SYT16: variants seen among roughly 807,000 people sequenced by gnomAD.
SYT16 encodes synaptotagmin-16.
In SYT16, 42 loss-of-function variants were observed where a neutral mutation model predicts 61.4. That is an observed-to-expected ratio of 0.68 (90% confidence interval 0.53 to 0.89). SYT16 has a LOEUF of 0.89. SYT16 is among the 40% of genes least tolerant of loss of function. The pLI is 0.00. For missense variants in SYT16, 804 were observed against 807.3 expected, an observed-to-expected ratio of 1.00 and a Z score of 0.05; for synonymous variants, 314 against 302.3, an observed-to-expected ratio of 1.04 and a Z score of -0.40.
chr14:62,057,346 C>T (rs1484788363), intron 3 of SYT16, among the ~76,000 whole-genome samples: 1 of 152,142 alleles, frequency 6.6e-6, no homozygotes, highest in Non-Finnish European at 1.5e-5. Context: ...CAGAAGGGCC[C>T]AGGTTGTAGT....
Position 62,080,916 on chromosome 14 carries a change from A to C in SYT16, c.1076A>C (p.Glu359Ala). 6.2e-7 allele frequency: 1 copy of C among 1,607,086 alleles called. No individual in the cohort carries two copies. The highest frequency in any genetic ancestry group is 1.1e-5 in the South Asian group (1 of 89,558). Reference sequence around the variant, plus strand: ...TGTGGTGACCTAGATGTCATCTTTGAATATAGAGCCGCCAGCCAGAAGCTC... The same window carrying C: ...TGTGGTGACCTAGATGTCATCTTTGCATATAGAGCCGCCAGCCAGAAGCTC... ...SKCGDLDVIF[E>A]YRAASQKLTV... Residue 359 changes from glutamate to alanine, a missense_variant, in exon 6 of 8, where the codon GAA becomes GCA. Physicochemically the swap from Glu to Ala is moderately radical, Grantham distance 107 (BLOSUM62 -1). Transcript: ENST00000683842.
chr14:62,049,910 T>G (rs2055190984), intron 3 of SYT16, among the ~76,000 whole-genome samples: 1 of 152,230 alleles, frequency 6.6e-6, no homozygotes, highest in Non-Finnish European at 1.5e-5. Context: ...TAACATTTTT[T>G]CCTTCATTTC....
intron 1 of SYT16, among the ~76,000 whole-genome samples, chr14:61,873,189 A>G (rs954966540): frequency 6.6e-5 from 10 of 152,350 alleles, no homozygotes; most frequent in Admixed American, 1.3e-4. Context: ...ATGATCTCAA[A>G]TAGTCCCTAA....
At chr14:62,087,429 A>C (rs2056923357) in intron 7 of SYT16, among the ~76,000 whole-genome samples, 1 of 152,174 alleles carries the variant, frequency 6.6e-6, no homozygotes, top group South Asian at 2.1e-4. Context: ...CTTGTGGTTG[A>C]GGCTCTCGGC....
intron 2 of SYT16, among the ~76,000 whole-genome samples, chr14:61,978,825 T>C (rs563467163): frequency 6.6e-6 from 1 of 152,324 alleles, no homozygotes; most frequent in East Asian, 1.9e-4. Flanking sequence ...TTCATGATGC[T>C]TTTCCTCCCC....
intron 1 of SYT16, among the ~76,000 whole-genome samples, chr14:61,896,071 G>C (rs1258294794): frequency 6.6e-6 from 1 of 151,564 alleles, no homozygotes; most frequent in Non-Finnish European, 1.5e-5. Flanking sequence ...GGTCGCTTTG[G>C]AGCCATTTTT....
chr14:61,901,762 A>T (rs8013044), intron 1 of SYT16, among the ~76,000 whole-genome samples: 25,784 of 138,492 alleles, frequency 0.19, 2,554 homozygotes, highest in African/African-American at 0.3. Context: ...TAATAATAAT[A>T]ATTATTATTA....
intron 1 of SYT16, among the ~76,000 whole-genome samples, chr14:61,939,279 C>A (rs1305153776): frequency 6.6e-6 from 1 of 152,228 alleles, no homozygotes; most frequent in Non-Finnish European, 1.5e-5. Context: ...AAAGCACTAA[C>A]TGGCAGTCTG....
At chr14:61,892,361 T>G (rs2048167250) in intron 1 of SYT16, among the ~76,000 whole-genome samples, 1 of 152,066 alleles carries the variant, frequency 6.6e-6, no homozygotes, top group Non-Finnish European at 1.5e-5. Flanking sequence ...CTCATGCTCC[T>G]TTCTCTCTTT....
intron 3 of SYT16, among the ~76,000 whole-genome samples, chr14:62,032,588 A>G (rs1002240363): frequency 7.2e-5 from 11 of 152,206 alleles, no homozygotes; most frequent in Non-Finnish European, 1.3e-4. Context: ...GGGTAATGAT[A>G]CTGAATAATG....
At chr14:61,857,456 C>T (rs1044950410) in intron 1 of SYT16, among the ~76,000 whole-genome samples, 13 of 152,228 alleles carry the variant, frequency 8.5e-5, no homozygotes, top group African/African-American at 2.9e-4. Context: ...GTGTCTACTT[C>T]GAAGATTGAC....
In SYT16 at chr14:62,100,053, A is replaced by T. The variant is rs181767420; in HGVS notation, c.1625-341A>T. Among the ~76,000 whole-genome samples the T allele has an allele frequency of 9.6e-4, 146 of 152,352 alleles. 1 individual carries two copies. Among genetic ancestry groups the T allele is most frequent in the African/African-American group, 3.4e-3 (142 of 41,578 alleles). Reference sequence around the variant, plus strand: ...ATGTGTATATTTATCTTGTTACATAAATAAATGTAGATGAAGAACTGTGCC... The same window carrying T: ...ATGTGTATATTTATCTTGTTACATATATAAATGTAGATGAAGAACTGTGCC... On this transcript the variant is annotated intron_variant, in intron 7 of 7. Transcript: ENST00000683842.
intron 3 of SYT16, among the ~76,000 whole-genome samples, chr14:62,038,488 T>C (rs1352736550): frequency 6.6e-6 from 1 of 151,874 alleles, no homozygotes; most frequent in African/African-American, 2.4e-5. Flanking sequence ...GAAAAGTGAA[T>C]TGAGGGAAAA....
intron 3 of SYT16, among the ~76,000 whole-genome samples, chr14:62,006,503 T>TC (rs2053231524): frequency 1.3e-5 from 2 of 152,198 alleles, no homozygotes; most frequent in Admixed American, 1.3e-4. Context: ...TTAAGCTAAA[T>TC]TGGCCCAAAA....
intron 2 of SYT16, among the ~76,000 whole-genome samples, chr14:61,983,977 G>A (rs1388724595): frequency 6.6e-6 from 1 of 152,196 alleles, no homozygotes; most frequent in African/African-American, 2.4e-5. Flanking sequence ...GGGTGATGAA[G>A]AGAACCTACT....
chr14:61,820,389 C>T (rs2045574712), intron 1 of SYT16, among the ~76,000 whole-genome samples: 1 of 145,886 alleles, frequency 6.9e-6, no homozygotes, highest in African/African-American at 2.5e-5. Flanking sequence ...TCTCTCTGGG[C>T]TTCGTGGCCT....
At chr14:62,051,360 G>A (rs1372614843) in intron 3 of SYT16, among the ~76,000 whole-genome samples, 1 of 152,244 alleles carries the variant, frequency 6.6e-6, no homozygotes, top group Admixed American at 6.5e-5. Flanking sequence ...TTTTCCAGGT[G>A]CCATCTGTCA....
chr14:62,077,504 G>A (rs917375367), intron 5 of SYT16: 1 of 152,194 alleles, frequency 6.6e-6, no homozygotes, highest in Non-Finnish European at 1.5e-5. Flanking sequence ...CAGGGAGACA[G>A]GTGTCCCACT....
intron 3 of SYT16, among the ~76,000 whole-genome samples, chr14:62,054,974 G>T (rs1437008032): frequency 6.6e-6 from 1 of 152,092 alleles, no homozygotes; most frequent in Non-Finnish European, 1.5e-5. Flanking sequence ...CTTCATTTTA[G>T]AATCTATGGC....
Sources: allele counts gnomAD v4.1 joint callset (sites outside exome capture counted in the v4.1 genomes callset), GRCh38; gene constraint gnomAD v4.1.1; transcripts MANE v1.5; gene names NCBI Gene and HGNC (gene_info 2026-07-23, HGNC 2026-07-21).